Variants in MPPED1 observed in about 807,000 individuals in gnomAD.
MPPED1 encodes the protein metallophosphoesterase domain containing 1.
MPPED1 carries 16 observed loss-of-function variants against 36.2 expected under a neutral mutation model. The observed-to-expected ratio is 0.44, with a 90% CI of 0.30 to 0.67. The LOEUF (loss-of-function observed/expected upper bound fraction) is 0.67, where lower values mean the gene tolerates loss of function less well. Among genes scored for constraint, MPPED1 ranks in the 30% least tolerant of loss-of-function variants. The pLI is 0.10. For missense variants in MPPED1, 307 were observed against 453.4 expected (o/e 0.68, Z 2.93); for synonymous variants, 199 against 191.3 (o/e 1.04, Z -0.33).
At chr22:43,414,531 C>CG (rs1362372898) in intron 1 of MPPED1, among the ~76,000 whole-genome samples, 3 of 152,072 alleles carry the variant, frequency 2.0e-5, no homozygotes, top group African/African-American at 7.2e-5. Context: ...TCATGAATAC[C>CG]GGGGGCAGAG....
chr22:43,421,384 G>A (rs1200882387), intron 1 of MPPED1, among the ~76,000 whole-genome samples: 4 of 152,260 alleles, frequency 2.6e-5, no homozygotes, highest in East Asian at 3.8e-4. Flanking sequence ...AGCGCGGAGC[G>A]CCTCCGGGAG....
intron 4 of MPPED1, among the ~76,000 whole-genome samples, chr22:43,481,899 C>T (rs1210800539): frequency 6.6e-6 from 1 of 152,218 alleles, no homozygotes. Context: ...CCTGCACTTA[C>T]CAAGCCTTTC....
chr22:43,483,816 C>G (rs1815885623), intron 4 of MPPED1, among the ~76,000 whole-genome samples: 1 of 152,162 alleles, frequency 6.6e-6, no homozygotes, highest in Non-Finnish European at 1.5e-5. Flanking sequence ...TGTGGGCACA[C>G]CCAGCAGGGG....
At chr22:43,452,150 T>C (rs1930593390) in intron 3 of MPPED1, among the ~76,000 whole-genome samples, 1 of 152,056 alleles carries the variant, frequency 6.6e-6, no homozygotes, top group African/African-American at 2.4e-5. Context: ...CCCTGGTAGC[T>C]GGGATTACAG....
intron 4 of MPPED1, among the ~76,000 whole-genome samples, chr22:43,486,126 G>A (rs1931905576): frequency 6.6e-6 from 1 of 152,000 alleles, no homozygotes; most frequent in East Asian, 1.9e-4. Flanking sequence ...ACCAGCTGTG[G>A]TGTGAAGAGT....
intron 3 of MPPED1, among the ~76,000 whole-genome samples, chr22:43,473,852 C>G (rs1343377388): frequency 6.6e-6 from 1 of 152,234 alleles, no homozygotes; most frequent in African/African-American, 2.4e-5. Context: ...ACAGTGCACA[C>G]TCCTGCCTAG....
At chr22:43,493,338 T>C (rs1932159470) in intron 4 of MPPED1, among the ~76,000 whole-genome samples, 2 of 152,196 alleles carry the variant, frequency 1.3e-5, no homozygotes, top group Admixed American at 6.5e-5. Context: ...GCCAACAGGG[T>C]AGTATGTTGG....
intron 3 of MPPED1, among the ~76,000 whole-genome samples, chr22:43,466,516 A>G (rs1931177512): frequency 6.6e-6 from 1 of 152,166 alleles, no homozygotes. Flanking sequence ...AATGGCTAAC[A>G]TCCAGGTTGT....
At chr22:43,500,257 T>A (rs1294542433) in intron 5 of MPPED1, among the ~76,000 whole-genome samples, 1 of 109,566 alleles carries the variant, frequency 9.1e-6, no homozygotes, top group Non-Finnish European at 1.8e-5. Context: ...GTGATGATGG[T>A]GGTGATGGTG....
intron 3 of MPPED1, among the ~76,000 whole-genome samples, chr22:43,467,847 C>G (rs746904611): frequency 1.3e-5 from 2 of 152,164 alleles, no homozygotes; most frequent in South Asian, 4.1e-4. Flanking sequence ...GGAATGGCAT[C>G]GATGGTGGAG....
intron 1 of MPPED1, chr22:43,416,437 C>T (rs992086273): frequency 2.0e-5 from 3 of 152,152 alleles, no homozygotes; most frequent in African/African-American, 7.2e-5. Context: ...ACTGTAAATC[C>T]ACATTTACTT....
At position 43,415,966 on chromosome 22, in the gene MPPED1, G is replaced by A. The variant is rs545758908; in HGVS notation, c.-79+3808G>A. ...GCTTCCAATTTCTAACACTCTCATC[G>A]TTTCCCCTTCATTTCATTCTTTTGC... On this transcript the variant is annotated intron_variant, in intron 1 of 6. Transcript: ENST00000443721. Among the ~76,000 whole-genome samples the A allele has an allele frequency of 2.6e-4, 39 of 152,262 alleles. 1 individual carries two copies. In the South Asian group the frequency reaches 6.4e-3, roughly 25 times the overall value.
intron 4 of MPPED1, among the ~76,000 whole-genome samples, chr22:43,478,845 G>C (rs747473234): frequency 6.6e-6 from 1 of 152,130 alleles, no homozygotes. Flanking sequence ...CTGAGCCCTG[G>C]GCTTCCCAGT....
chr22:43,443,174 T>C (rs1024660878), intron 3 of MPPED1, among the ~76,000 whole-genome samples: 4 of 151,774 alleles, frequency 2.6e-5, no homozygotes, highest in African/African-American at 9.7e-5. Flanking sequence ...CCTGGGAGGG[T>C]CATGCACGGA....
chr22:43,453,056 T>C (rs904492606), intron 3 of MPPED1, among the ~76,000 whole-genome samples: 14 of 150,366 alleles, frequency 9.3e-5, no homozygotes, highest in African/African-American at 3.4e-4. Context: ...TTCAAGTGAT[T>C]CTCCTGCCTC....
chr22:43,503,480 C>T (rs903891102), intron 6 of MPPED1, among the ~76,000 whole-genome samples: 5 of 152,206 alleles, frequency 3.3e-5, no homozygotes, highest in South Asian at 2.1e-4. Context: ...TCCTGGCCTC[C>T]GGAACCTGTG....
intron 1 of MPPED1, among the ~76,000 whole-genome samples, chr22:43,423,722 C>G (rs185324847): frequency 6.6e-6 from 1 of 152,124 alleles, no homozygotes. Context: ...TTCTTCCAAG[C>G]GCAAAGCAAA....
intron 3 of MPPED1, among the ~76,000 whole-genome samples, chr22:43,459,785 G>A (rs1930881023): frequency 6.6e-6 from 1 of 152,142 alleles, no homozygotes. Flanking sequence ...TCTAATAGCT[G>A]ATTTAAAGGC....
intron 2 of MPPED1, among the ~76,000 whole-genome samples, chr22:43,427,265 T>C (rs1929510816): frequency 6.6e-6 from 1 of 152,054 alleles, no homozygotes; most frequent in African/African-American, 2.4e-5. Context: ...GAGTGGGGGC[T>C]GAGGAGGTGC....
Sources: gnomAD v4.1 joint callset for allele counts (sites outside exome capture counted in the v4.1 genomes callset) on GRCh38, gnomAD v4.1.1 for gene constraint, MANE v1.5 for transcripts, NCBI Gene and HGNC (gene_info 2026-07-23, HGNC 2026-07-21) for gene names.